The following KCNN2 variants were observed in gnomAD, a reference collection of about 807,000 sequenced individuals.
KCNN2 encodes potassium calcium-activated channel subfamily N member 2.
KCNN2 carries 24 observed loss-of-function variants against 55.5 expected under a neutral mutation model. That is an observed-to-expected ratio of 0.43 (90% CI 0.31 to 0.61). KCNN2 has a LOEUF of 0.61. Among genes scored for constraint, KCNN2 ranks in the 20% least tolerant of loss-of-function variants. The probability of loss-of-function intolerance (pLI) is 0.08; values close to 1 mark genes in which losing one functional copy is unlikely to be tolerated. For synonymous variants in KCNN2, 431 were observed against 336.1 expected (o/e 1.28, Z -3.09); for missense variants, 754 against 853.6 (o/e 0.88, Z 1.45).
At chr5:114,280,861 G>T (rs1222028843) in intron 2 of KCNN2, among the ~76,000 whole-genome samples, 1 of 152,130 alleles carries the variant, frequency 6.6e-6, no homozygotes, top group Non-Finnish European at 1.5e-5. Context: ...GGTTCTGTAT[G>T]ATCTGACTCT....
intron 2 of KCNN2, among the ~76,000 whole-genome samples, chr5:114,330,565 C>G (rs73243766): frequency 6.6e-6 from 1 of 152,084 alleles, no homozygotes; most frequent in Non-Finnish European, 1.5e-5. Flanking sequence ...AACACTCCAC[C>G]CTCTAGATAA....
intron 2 of KCNN2, among the ~76,000 whole-genome samples, chr5:114,369,044 A>T (rs961997917): frequency 5.3e-5 from 8 of 152,158 alleles, no homozygotes; most frequent in Admixed American, 1.3e-4. Flanking sequence ...GAGTATATAC[A>T]TATGGTAAAT....
chr5:114,077,111 C>T (rs1384533267), intron 1 of KCNN2, among the ~76,000 whole-genome samples: 1 of 152,232 alleles, frequency 6.6e-6, no homozygotes, highest in Non-Finnish European at 1.5e-5. Context: ...TTGTATCCCT[C>T]TATTTCAATG....
chr5:114,264,847 C>T (rs1164190855), intron 2 of KCNN2, among the ~76,000 whole-genome samples: 1 of 152,206 alleles, frequency 6.6e-6, no homozygotes, highest in Non-Finnish European at 1.5e-5. Flanking sequence ...GCCTTCCAGT[C>T]CCAGGAAGCC....
intron 1 of KCNN2, among the ~76,000 whole-genome samples, chr5:114,111,830 A>C (rs1465156626): frequency 1.3e-5 from 2 of 152,178 alleles, no homozygotes; most frequent in Admixed American, 6.6e-5. Context: ...AGGAAACAAC[A>C]GGTGCTGGAG....
chr5:114,419,934 G>A lies in KCNN2; in HGVS notation c.1637+15078G>A, dbSNP rs562443596. Among the ~76,000 whole-genome samples the A allele has an allele frequency of 3.3e-5, 5 of 152,330 alleles. No individual in the cohort carries two copies. The East Asian group carries it at 9.6e-4, about 29-fold the overall frequency. Reference sequence around the variant, plus strand: ...GATCACTTGAGCCCAGGAGTTTGAGGCTGCAATGAGCTATGATCACGAGGC... The same window carrying A: ...GATCACTTGAGCCCAGGAGTTTGAGACTGCAATGAGCTATGATCACGAGGC... On this transcript the variant is annotated intron_variant, in intron 3 of 7. Transcript: ENST00000673685.
chr5:114,432,166 A>G (rs1406776525), intron 3 of KCNN2, among the ~76,000 whole-genome samples: 1 of 152,204 alleles, frequency 6.6e-6, no homozygotes, highest in Non-Finnish European at 1.5e-5. Context: ...TAACAGAGAG[A>G]TGTTGAAATC....
intron 2 of KCNN2, among the ~76,000 whole-genome samples, chr5:114,286,596 A>G (rs1755759523): frequency 6.6e-6 from 1 of 152,160 alleles, no homozygotes; most frequent in African/African-American, 2.4e-5. Context: ...GTATATCATA[A>G]AGGCCTAAAC....
intron 5 of KCNN2, among the ~76,000 whole-genome samples, chr5:114,478,273 G>A (rs749277989): frequency 6.6e-6 from 1 of 152,120 alleles, no homozygotes; most frequent in Non-Finnish European, 1.5e-5. Context: ...TGAAAATGAA[G>A]ATCCAAAATA....
intron 1 of KCNN2, among the ~76,000 whole-genome samples, chr5:114,148,999 T>G (rs1752461559): frequency 6.6e-6 from 1 of 152,126 alleles, no homozygotes; most frequent in South Asian, 2.1e-4. Flanking sequence ...TCTCATGAGT[T>G]GGCAGAGGGT....
At chr5:114,238,619 C>A (rs1158327654) in intron 2 of KCNN2, among the ~76,000 whole-genome samples, 3 of 145,964 alleles carry the variant, frequency 2.1e-5, no homozygotes, top group Non-Finnish European at 4.6e-5. Context: ...GAGTGAGACT[C>A]CGTCTCCAAA....
At chr5:114,428,956 T>G (rs1759707717) in intron 3 of KCNN2, among the ~76,000 whole-genome samples, 1 of 152,138 alleles carries the variant, frequency 6.6e-6, no homozygotes, top group African/African-American at 2.4e-5. Context: ...CTACAGTTTA[T>G]TCATGTACTC....
chr5:114,133,851 C>T (rs926261212), intron 1 of KCNN2, among the ~76,000 whole-genome samples: 17 of 152,214 alleles, frequency 1.1e-4, no homozygotes, highest in Middle Eastern at 3.4e-3. Context: ...TTTTACAAAT[C>T]GTTAAAAATG....
In KCNN2 at chr5:114,208,466, G is replaced by C. The variant is rs375751870; in HGVS notation, c.-270-13014G>C. Among the ~76,000 whole-genome samples, 7 of 152,248 alleles carry C rather than the reference G, an allele frequency of 4.6e-5. No homozygotes were observed. The East Asian group carries it at 1.2e-3, about 25-fold the overall frequency. ...ATTCCTGTTTAAGGGGATGAGGGTG[G>C]TGCCCAATTCCAGGTTGGCTACTTG... On this transcript the variant is annotated intron_variant, in intron 1 of 10. Coordinates refer to the KCNN2 transcript ENST00000512097.
intron 2 of KCNN2, among the ~76,000 whole-genome samples, chr5:114,257,189 G>C (rs1398869411): frequency 6.6e-6 from 1 of 151,964 alleles, no homozygotes; most frequent in Admixed American, 6.6e-5. Context: ...CTTTATTTCT[G>C]GGTTCCCTTT....
chr5:114,062,648 G>T (rs1450279149), intron 1 of KCNN2, among the ~76,000 whole-genome samples: 1 of 152,156 alleles, frequency 6.6e-6, no homozygotes, highest in Non-Finnish European at 1.5e-5. Context: ...GTCTGAATTA[G>T]CAAAAAGTCT....
At chr5:114,390,233 A>G (rs1180044075) in intron 2 of KCNN2, among the ~76,000 whole-genome samples, 1 of 152,150 alleles carries the variant, frequency 6.6e-6, no homozygotes, top group Non-Finnish European at 1.5e-5. Context: ...TAATTATTTC[A>G]TGGTTTGAGG....
intron 2 of KCNN2, among the ~76,000 whole-genome samples, chr5:114,305,591 G>C (rs1404913237): frequency 6.6e-6 from 1 of 152,202 alleles, no homozygotes; most frequent in African/African-American, 2.4e-5. Context: ...CTGGGCCACG[G>C]CTAGGGCTGA....
rs978958794 is a variant in KCNN2, at chr5:114,103,025, G to A, written c.-271+46525G>A. 2.1e-4 allele frequency among the ~76,000 whole-genome samples: 32 copies of A among 152,084 alleles called. 1 individual carries two copies. The highest frequency in any genetic ancestry group is 4.6e-4 in the Non-Finnish European group (31 of 68,002). ...AGCATTGAATCTATAGATTACTTTG[G>A]GCAGTATGGCCATTTTCACGATATT... On this transcript the variant is annotated intron_variant, in intron 1 of 10. Transcript: ENST00000512097.
Sources: gnomAD v4.1 joint callset for allele counts (sites outside exome capture counted in the v4.1 genomes callset) on GRCh38, gnomAD v4.1.1 for gene constraint, MANE v1.5 for transcripts, NCBI Gene and HGNC (gene_info 2026-07-23, HGNC 2026-07-21) for gene names.